Variants in SCN4A observed in about 807,000 individuals in gnomAD.
The protein encoded by SCN4A is sodium channel protein type 4 subunit alpha.
A neutral mutation model predicts 162.0 loss-of-function variants in SCN4A; 83 were observed. The ratio of observed to expected loss-of-function variants is 0.51; its 90% CI spans 0.43 to 0.61. SCN4A has a LOEUF of 0.61. SCN4A is among the 20% of genes least tolerant of loss of function. SCN4A has a pLI of 0.00. For synonymous variants in SCN4A, 944 were observed against 985.1 expected, an observed-to-expected ratio of 0.96 and a Z score of 0.78; for missense variants, 2,196 against 2,462.5, an observed-to-expected ratio of 0.89 and a Z score of 2.29.
chr17:63,972,192 C>T lies in SCN4A; in HGVS notation c.426G>A (p.Leu142=). The change falls in exon 3 of 24, where the codon TTG becomes TTA. Residue 142 remains leucine (L), a synonymous_variant. Coordinates refer to ENST00000435607, the MANE Select transcript of SCN4A (RefSeq NM_000334.4). The surrounding 1 kb of genome is among the most constrained non-coding windows in gnomAD (Gnocchi z 4.3). The part of the protein sequence containing the change: ...LFSMFIMITI[L]TNCVFMTMSD... ...TCATGGTCATGAATACGCAGTTGGTCAAGATGGTGATCATGATGAACATGC... is the reference window on the plus strand; with the variant it reads ...TCATGGTCATGAATACGCAGTTGGTTAAGATGGTGATCATGATGAACATGC... 1 of 1,613,608 alleles carries T rather than the reference C, an allele frequency of 6.2e-7. No individual in the cohort carries two copies. The highest frequency in any genetic ancestry group is 8.5e-7 in the Non-Finnish European group (1 of 1,179,772).
chr17:63,966,878 G>A (rs543817219), intron 6 of SCN4A, among the ~76,000 whole-genome samples: 1 of 152,220 alleles, frequency 6.6e-6, no homozygotes, highest in African/African-American at 2.4e-5. Context: ...GGGTGAGTGG[G>A]GGCTGGAATC....
Position 63,938,606 on chromosome 17 carries a change from G to C in SCN4A, c.*2165C>G, listed in dbSNP as rs1490338570. 1 of 152,698 alleles carries C rather than the reference G, an allele frequency of 6.5e-6. No individual in the cohort carries two copies. Among genetic ancestry groups the C allele is most frequent in the Non-Finnish European group, 1.5e-5 (1 of 68,120 alleles). 9.5% of individuals were successfully genotyped at this position (152,698 alleles called of 1,614,324 possible). ...AAGAACTGTACAAAGGAGCCCGCCT[G>C]CTGGCCTGGCGTGGGACCTGTTCCC... On this transcript the variant is annotated 3_prime_UTR_variant, in exon 24 of 24. Coordinates refer to ENST00000435607, the MANE Select transcript of SCN4A (RefSeq NM_000334.4).
intron 13 of SCN4A, among the ~76,000 whole-genome samples, chr17:63,955,504 A>C (rs1379813958): frequency 6.6e-6 from 1 of 152,286 alleles, no homozygotes; most frequent in East Asian, 1.9e-4. Context: ...CGTTTTCCAG[A>C]TGGGAAAACT....
Position 63,949,445 on chromosome 17 carries a change from C to A in SCN4A, c.2937G>T (p.Glu979Asp). 6.2e-7 allele frequency: 1 copy of A among 1,607,738 alleles called. No individual in the cohort carries two copies. Among genetic ancestry groups the A allele is most frequent in the Non-Finnish European group, 8.5e-7 (1 of 1,176,926 alleles). The change falls in exon 15 of 24, where the codon GAG becomes GAT. Residue 979 changes from glutamate to aspartate, a missense_variant. Physicochemically the swap from Glu to Asp is conservative, Grantham distance 45 (BLOSUM62 2). Transcript: ENST00000435607. Reference sequence around the variant, plus strand: ...CCCCCTCGGGGTTCTCCTCTGCCTGCTCCTCAGGGTCCTCCTCGGGGGGCT... The same window carrying A: ...CCCCCTCGGGGTTCTCCTCTGCCTGATCCTCAGGGTCCTCCTCGGGGGGCT... ...DYKPPEEDPE[E>D]QAEENPEGEQ... is the part of the protein sequence containing the mutation.
At position 63,939,220 on chromosome 17, in the gene SCN4A, TGAGTACAC is replaced by T. The variant is rs1262972729; in HGVS notation, c.*1543_*1550del. 1 of 152,654 alleles carries T rather than the reference TGAGTACAC, an allele frequency of 6.6e-6. No homozygotes were observed. The highest frequency in any genetic ancestry group is 2.4e-5 in the African/African-American group (1 of 41,440). The allele number at this position is 152,654 out of a possible 1,614,324, so 9.5% of individuals were successfully genotyped here. On this transcript the variant is annotated 3_prime_UTR_variant, in exon 24 of 24. Coordinates refer to ENST00000435607, the MANE Select transcript of SCN4A (RefSeq NM_000334.4). ...AGGCACTTAGGCCAACAGAATGCCC[TGAGTACAC>T]ACCTTACCACATGCGTTCACACGCA...
At position 63,963,693 on chromosome 17, in the gene SCN4A, C is replaced by A. The variant is rs143457794; in HGVS notation, c.1585G>T (p.Gly529Cys). 278 of 1,591,724 alleles carry A rather than the reference C, an allele frequency of 1.7e-4. 1 individual carries two copies. The highest frequency in any genetic ancestry group is 2.2e-4 in the Non-Finnish European group (262 of 1,169,314). Residue 529 changes from glycine (G) to cysteine (C), a missense_variant, in exon 10 of 24, where the codon GGC (glycine) becomes TGC (cysteine). By Grantham distance (159) the Gly-to-Cys change is radical. Transcript: ENST00000435607. ...TCACCTTCCATGGCGTCGGAGATGC[C>A]GCTGTCTCCGCTGCTGCTCTGCCTC... ...APRQSSSGDS[G>C]ISDAMEELEE...
chr17:63,947,164 A>G lies in SCN4A; in HGVS notation c.3322T>C (p.Ser1108Pro). Residue 1108 changes from serine (S) to proline (P), a missense_variant, in exon 18 of 24, where the codon TCC (serine) becomes CCC (proline). Ser to Pro is a moderately conservative substitution (Grantham distance 74, BLOSUM62 -1). Coordinates refer to ENST00000435607, the MANE Select transcript of SCN4A (RefSeq NM_000334.4). The part of the protein sequence containing the change: ...CWLDFLIVDV[S>P]IISLVANWLG... Reference sequence around the variant, plus strand: ...CAGTTGGCCACCAAGCTGATGATGGAGACCTGCAGGGGAGGGGTGAGGGGA... The same window carrying G: ...CAGTTGGCCACCAAGCTGATGATGGGGACCTGCAGGGGAGGGGTGAGGGGA... 6.2e-7 allele frequency: 1 copy of G among 1,613,282 alleles called. No individual in the cohort carries two copies. Among genetic ancestry groups the G allele is most frequent in the Non-Finnish European group, 8.5e-7 (1 of 1,179,796 alleles).
At position 63,941,744 on chromosome 17, in the gene SCN4A, A is replaced by G. The variant is rs1401676857; in HGVS notation, c.4538T>C (p.Ile1513Thr). The change falls in exon 24 of 24, where the codon ATC becomes ACC. Residue 1513 changes from isoleucine (I) to threonine (T), a missense_variant. By Grantham distance (89) the Ile-to-Thr change is moderately conservative. Transcript: ENST00000435607. The surrounding 1 kb of genome is among the most constrained non-coding windows in gnomAD (Gnocchi z 6.2). ...GGTCTCGAAGTTGAACATATCATCGATGCCCGACTCCTTCTTGACGTAGGC... is the reference window on the plus strand; with the variant it reads ...GGTCTCGAAGTTGAACATATCATCGGTGCCCGACTCCTTCTTGACGTAGGC... ...NFAYVKKESG[I>T]DDMFNFETFG... 1 of 1,613,966 alleles carries G rather than the reference A, an allele frequency of 6.2e-7. No individual in the cohort carries two copies. Among genetic ancestry groups the G allele is most frequent in the African/African-American group, 1.3e-5 (1 of 74,890 alleles).
chr17:63,948,714 C>T lies in SCN4A; in HGVS notation c.3041G>A (p.Gly1014Glu). Residue 1014 changes from glycine to glutamate, a missense_variant, in exon 16 of 24, where the codon GGG (glycine) becomes GAG (glutamate). Physicochemically the swap from Gly to Glu is moderately conservative, Grantham distance 98. Coordinates refer to ENST00000435607, the MANE Select transcript of SCN4A (RefSeq NM_000334.4). ...CLYVDISQGR[G>E]KKWWTLRRAC... is the part of the protein sequence containing the mutation. Reference sequence around the variant, plus strand: ...CCTGCGCAGAGTCCACCACTTCTTCCCACGGCCCTGGGAGATGTCCACGTA... The same window carrying T: ...CCTGCGCAGAGTCCACCACTTCTTCTCACGGCCCTGGGAGATGTCCACGTA... 6.2e-7 allele frequency: 1 copy of T among 1,613,454 alleles called. No homozygotes were observed. Among genetic ancestry groups the T allele is most frequent in the Non-Finnish European group, 8.5e-7 (1 of 1,179,702 alleles).
chr17:63,959,558 C>T, intron 11 of SCN4A, 120 bp from the exon 12 acceptor site: 1 of 897,448 alleles, frequency 1.1e-6, no homozygotes, highest in Non-Finnish European at 1.8e-6. Context: ...GGGTCCAGAG[C>T]CCTGAGAGGA....
intron 5 of SCN4A, among the ~76,000 whole-genome samples, chr17:63,969,282 C>T (rs1048887061): frequency 6.6e-6 from 1 of 152,194 alleles, no homozygotes; most frequent in Non-Finnish European, 1.5e-5. Flanking sequence ...TTTAGACAGA[C>T]AAAGGCATAA....
chr17:63,961,170 T>TCCCCCCCCCCCC, intron 11 of SCN4A, 23 bp downstream of exon 11: 6 of 1,016,008 alleles, frequency 5.9e-6, no homozygotes, highest in East Asian at 3.2e-5. Context: ...CCATGAATGA[T>TCCCCCCCCCCCC]CCCCTCCCCC....
chr17:63,954,566 CTCT>C (rs929961585), intron 13 of SCN4A, among the ~76,000 whole-genome samples: 11 of 152,186 alleles, frequency 7.2e-5, no homozygotes, highest in African/African-American at 2.4e-4. Context: ...TAGTCACTTC[CTCT>C]TCTTCTTCAC....
rs777886789 is a variant in SCN4A, at chr17:63,945,334, C to G, written c.3720+26G>C. 9.4e-6 allele frequency: 15 copies of G among 1,592,408 alleles called. No individual in the cohort carries two copies. Among genetic ancestry groups the G allele is most frequent in the Non-Finnish European group, 1.3e-5 (15 of 1,164,362 alleles). On this transcript the variant is annotated intron_variant, in intron 19 of 23. Transcript: ENST00000435607. This position sits in a 1 kb window ranked among gnomAD's most constrained non-coding sequence, Gnocchi z 4.4. ...TGGGGGGCACCTCCATCCAGGTTCC[C>G]GGCAGGGGTGGTGGGTCACACTCAC... is the stretch of plus-strand genomic sequence containing the variant.
rs1349509387 is a variant in SCN4A at position 63,972,676 on chromosome 17, T to C, written c.166A>G (p.Ser56Gly). 6.2e-7 allele frequency: 1 copy of C among 1,613,596 alleles called. No individual in the cohort carries two copies. Among genetic ancestry groups the C allele is most frequent in the Non-Finnish European group, 8.5e-7 (1 of 1,179,704 alleles). ...EIEEPERKPR[S>G]DLEAGKNLPM... Reference sequence around the variant, plus strand: ...AGGTTCTTGCCAGCCTCCAAGTCACTTCGTGGCTTCCGTTCGGGCTCCTCA... The same window carrying C: ...AGGTTCTTGCCAGCCTCCAAGTCACCTCGTGGCTTCCGTTCGGGCTCCTCA... The change falls in exon 1 of 24, where the codon AGT becomes GGT. Residue 56 changes from serine (S) to glycine (G), a missense_variant. Physicochemically the swap from Ser to Gly is moderately conservative, Grantham distance 56. Coordinates refer to ENST00000435607, the MANE Select transcript of SCN4A (RefSeq NM_000334.4). This position sits in a 1 kb window ranked among gnomAD's most constrained non-coding sequence, Gnocchi z 4.3.
At position 63,968,172 on chromosome 17, in the gene SCN4A, C is replaced by A; in HGVS notation, c.887G>T (p.Ser296Ile). The A allele has an allele frequency of 3.7e-6, 6 of 1,613,994 alleles. No individual in the cohort carries two copies. The highest frequency in any genetic ancestry group is 5.1e-6 in the Non-Finnish European group (6 of 1,179,900). Reference protein sequence around the residue: ...PFNDTNTTWYSNDTWYGNDTW... With the variant: ...PFNDTNTTWYINDTWYGNDTW... The stretch of plus-strand genomic sequence containing the variant: ...GTCATTGCCGTACCACGTGTCATTG[C>A]TGTACCACGTGGTGTTGGTGTCGTT... Residue 296 changes from serine to isoleucine, a missense_variant, in exon 6 of 24, where the codon AGC (serine) becomes ATC (isoleucine). By Grantham distance (142) the Ser-to-Ile change is moderately radical. Transcript: ENST00000435607.
rs9892556 is a variant in SCN4A at position 63,944,396 on chromosome 17, C to T, written c.3912+277G>A. Among the ~76,000 whole-genome samples, 787 of 152,212 alleles carry T rather than the reference C, an allele frequency of 5.2e-3. 8 individuals carry two copies. The highest frequency in any genetic ancestry group is 0.018 in the African/African-American group (739 of 41,528). ...GTCTCGAACTCCTGACCTTGTGATC[C>T]GCCCGCCTCGGCCTCCCAAAGTGCT... On this transcript the variant is annotated intron_variant, in intron 21 of 23. Coordinates refer to ENST00000435607, the MANE Select transcript of SCN4A (RefSeq NM_000334.4). The surrounding 1 kb of genome is among the most constrained non-coding windows in gnomAD (Gnocchi z 4.3).
At chr17:63,957,701 G>A (rs1233477422) in intron 12 of SCN4A, among the ~76,000 whole-genome samples, 183 bp from the exon 13 acceptor site, 5 of 152,208 alleles carry the variant, frequency 3.3e-5, no homozygotes, top group East Asian at 1.9e-4. Flanking sequence ...CCCTTCATGT[G>A]TTAAAAAGAA....
chr17:63,971,944 G>A, intron 3 of SCN4A, 94 bp from the exon 4 acceptor site: 1 of 1,389,804 alleles, frequency 7.2e-7, no homozygotes, highest in South Asian at 1.2e-5. Context: ...ACACAGAAAT[G>A]AAATATGCCA....
Sources: allele counts gnomAD v4.1 joint callset (sites outside exome capture counted in the v4.1 genomes callset), GRCh38; gene constraint gnomAD v4.1.1; non-coding constraint Gnocchi (gnomAD v3.1); transcripts MANE v1.5; gene names NCBI Gene and HGNC (gene_info 2026-07-23, HGNC 2026-07-21).